PRUNE2: variants seen among roughly 807,000 people sequenced by gnomAD.
The protein encoded by PRUNE2 is protein prune homolog 2.
In PRUNE2, 164 loss-of-function variants were observed where a neutral mutation model predicts 252.0. The observed-to-expected ratio is 0.65, with a 90% CI of 0.57 to 0.74. The LOEUF is 0.74. Ranked by LOEUF, PRUNE2 falls within the 30% of genes least tolerant of loss-of-function variation. The pLI is 0.00. For missense variants in PRUNE2, 3,495 were observed against 3,711.0 expected (o/e 0.94, Z 1.51); for synonymous variants, 1,292 against 1,350.2 (o/e 0.96, Z 0.94).
In PRUNE2 at chr9:76,779,584, T is replaced by C. The variant is rs556667016; in HGVS notation, c.756+44048A>G. The C allele has an allele frequency of 3.9e-5, 6 of 152,340 alleles. No homozygotes were observed. In the South Asian group the frequency reaches 8.3e-4, roughly 21 times the overall value. The allele number at this position is 152,340 out of a possible 1,614,324, so 9.4% of individuals were successfully genotyped here. On this transcript the variant is annotated intron_variant, in intron 6 of 18. Transcript: ENST00000376718. ...AAGGACAGCATTGTGGCTTGGACTT[T>C]ATAAGGTCTTTATTCAACTAAATAG...
At chr9:76,890,423 G>A (rs982943028) in intron 1 of PRUNE2, among the ~76,000 whole-genome samples, 1 of 152,204 alleles carries the variant, frequency 6.6e-6, no homozygotes. Flanking sequence ...TAATTTGACT[G>A]CTCTTATCTG....
chr9:76,710,548 T>C lies in PRUNE2; in HGVS notation c.1726A>G (p.Ser576Gly). The C allele has an allele frequency of 6.2e-7, 1 of 1,613,986 alleles. No individual in the cohort carries two copies. The highest frequency in any genetic ancestry group is 1.6e-4 in the Middle Eastern group (1 of 6,062). ...HDEEFVQRQD[S>G]PRDNSERNLS... ...TTTCTTTCAGAGTTATCTCTGGGAC[T>C]GTCTTGTCTCTGGACAAACTCCTCA... The change falls in exon 8 of 19, where the codon AGT (serine) becomes GGT (glycine). Residue 576 changes from serine to glycine, a missense_variant. Ser to Gly is a moderately conservative substitution (Grantham distance 56). Coordinates refer to ENST00000376718, the MANE Select transcript of PRUNE2 (RefSeq NM_015225.3).
At chr9:76,896,300 A>T (rs991706340) in intron 1 of PRUNE2, among the ~76,000 whole-genome samples, 3 of 152,198 alleles carry the variant, frequency 2.0e-5, no homozygotes, top group African/African-American at 7.2e-5. Context: ...ATTTCTGTGA[A>T]TGATTTACAA....
intron 9 of PRUNE2, chr9:76,692,259 T>TC: frequency 1.5e-6 from 1 of 686,422 alleles, no homozygotes. Context: ...ATGCAGCCGC[T>TC]GTGGCTAGGG....
chr9:76,849,971 G>GA (rs1436782013), intron 3 of PRUNE2, among the ~76,000 whole-genome samples: 1 of 152,108 alleles, frequency 6.6e-6, no homozygotes, highest in Non-Finnish European at 1.5e-5. Context: ...CATAAGAGAA[G>GA]AAAAAGATAT....
intron 9 of PRUNE2, among the ~76,000 whole-genome samples, chr9:76,659,030 G>A (rs963631222): frequency 6.6e-6 from 1 of 152,212 alleles, no homozygotes; most frequent in Non-Finnish European, 1.5e-5. Context: ...AGGAGCAAGC[G>A]TGTGAGGAGC....
chr9:76,792,201 A>G (rs1243812716), intron 6 of PRUNE2, among the ~76,000 whole-genome samples: 1 of 152,052 alleles, frequency 6.6e-6, no homozygotes, highest in African/African-American at 2.4e-5. Flanking sequence ...GCTCTTTCCC[A>G]TGCTGTTCTC....
chr9:76,852,408 A>T (rs2060009335), intron 2 of PRUNE2, among the ~76,000 whole-genome samples: 1 of 152,234 alleles, frequency 6.6e-6, no homozygotes, highest in Non-Finnish European at 1.5e-5. Flanking sequence ...TCTGAAGTTG[A>T]TGTCACAAGA....
At chr9:76,872,522 A>G (rs532027060) in intron 1 of PRUNE2, among the ~76,000 whole-genome samples, 5 of 151,956 alleles carry the variant, frequency 3.3e-5, no homozygotes, top group African/African-American at 1.2e-4. Context: ...CCCAGGCTGA[A>G]AAGTAGCAGG....
chr9:76,851,956 G>T (rs375041321), intron 2 of PRUNE2, among the ~76,000 whole-genome samples: 11 of 152,156 alleles, frequency 7.2e-5, no homozygotes, highest in African/African-American at 2.7e-4. Flanking sequence ...TCAGTGACAT[G>T]GAATTTGTGC....
intron 1 of PRUNE2, among the ~76,000 whole-genome samples, chr9:76,867,566 T>TTTGTTG (rs570309622): frequency 2.0e-5 from 3 of 151,858 alleles, no homozygotes; most frequent in Non-Finnish European, 1.5e-5. Context: ...GTTTTGCTCT[T>TTTGTTG]TTGTTGTTGT....
chr9:76,686,903 A>AT lies in PRUNE2; in HGVS notation c.8276+16433dup, dbSNP rs142893189. On this transcript the variant is annotated intron_variant, in intron 9 of 18. Transcript: ENST00000376718. ...GTGAGCTACCACAGCTGGCTAAGGC[A>AT]TTTTTTGAAAATTTTTTCATAGAGA... Among the ~76,000 whole-genome samples the AT allele has an allele frequency of 5.8e-3, 882 of 152,160 alleles. 8 individuals carry two copies. The highest frequency in any genetic ancestry group is 0.02 in the African/African-American group (832 of 41,510).
At chr9:76,764,390 T>C (rs887090284) in intron 6 of PRUNE2, 11 of 152,358 alleles carry the variant, frequency 7.2e-5, no homozygotes, top group African/African-American at 2.6e-4. Flanking sequence ...TCTTGCATGA[T>C]GGGAGTGGCC....
chr9:76,762,688 T>C (rs889145935), intron 6 of PRUNE2, among the ~76,000 whole-genome samples: 1 of 152,168 alleles, frequency 6.6e-6, no homozygotes, highest in Non-Finnish European at 1.5e-5. Context: ...TCCTAGCTCT[T>C]GTATGGAGGC....
chr9:76,905,896 C>A lies in PRUNE2; in HGVS notation c.36+32G>T, dbSNP rs754993623. The A allele has an allele frequency of 2.5e-6, 4 of 1,613,962 alleles. No homozygotes were observed. The Admixed American group carries it at 6.7e-5, about 27-fold the overall frequency. On this transcript the variant is annotated intron_variant, in intron 1 of 18. Transcript: ENST00000376718. Reference sequence around the variant, plus strand: ...ACCTTTCCATTAGCATACGCGCGCGCGCACACACACAGCTTTGCTCACTCA... The same window carrying A: ...ACCTTTCCATTAGCATACGCGCGCGAGCACACACACAGCTTTGCTCACTCA...
chr9:76,759,407 G>A (rs912755769), intron 6 of PRUNE2: 1 of 152,248 alleles, frequency 6.6e-6, no homozygotes, highest in African/African-American at 2.4e-5. Flanking sequence ...GGCCCACCAC[G>A]CCCTGCTATC....
chr9:76,638,739 C>G (rs752357747), intron 12 of PRUNE2, among the ~76,000 whole-genome samples: 2 of 152,134 alleles, frequency 1.3e-5, no homozygotes, highest in Non-Finnish European at 2.9e-5. Flanking sequence ...TCTTTTTAGT[C>G]TTAGACACTG....
intron 12 of PRUNE2, among the ~76,000 whole-genome samples, chr9:76,639,896 T>C (rs1364635659): frequency 6.6e-6 from 1 of 152,216 alleles, no homozygotes; most frequent in Admixed American, 6.5e-5. Context: ...AGCTCTGGCA[T>C]AATTTTGGAA....
chr9:76,733,423 A>G (rs1056306817), intron 6 of PRUNE2, among the ~76,000 whole-genome samples: 1 of 151,588 alleles, frequency 6.6e-6, no homozygotes, highest in East Asian at 1.9e-4. Flanking sequence ...TCATTCATCT[A>G]TTTGAGACAG....
Sources: allele counts gnomAD v4.1 joint callset (sites outside exome capture counted in the v4.1 genomes callset), GRCh38; gene constraint gnomAD v4.1.1; transcripts MANE v1.5; gene names NCBI Gene and HGNC (gene_info 2026-07-23, HGNC 2026-07-21).